Variants in TTC3 observed in about 807,000 individuals in gnomAD.
The protein encoded by TTC3 is tetratricopeptide repeat domain 3.
Under a neutral mutation model 249.6 loss-of-function variants are expected in TTC3, and 180 were observed. That is an observed-to-expected ratio of 0.72 (90% CI 0.64 to 0.82). The LOEUF (loss-of-function observed/expected upper bound fraction) is 0.82. TTC3 is among the 40% of genes least tolerant of loss of function. The pLI, the probability that TTC3 is intolerant of heterozygous loss-of-function variation, is 0.00. For synonymous variants in TTC3, 717 were observed against 805.0 expected (o/e 0.89, Z 1.85); for missense variants, 2,061 against 2,398.4 (o/e 0.86, Z 2.94).
In TTC3 at chr21:37,166,714, A is replaced by G. The variant is rs889985484; in HGVS notation, c.4401+99A>G. The G allele has an allele frequency of 2.8e-6, 4 of 1,446,120 alleles. No individual in the cohort carries two copies. The African/African-American group carries it at 5.7e-5, about 21-fold the overall frequency. 89.6% of individuals were successfully genotyped at this position (1,446,120 alleles called of 1,614,324 possible). On this transcript the variant is annotated intron_variant, in intron 33 of 45. Coordinates refer to ENST00000355666, the Ensembl canonical transcript of TTC3. ...TTGCAAGAATCCTTAAAGTTGATTG[A>G]CTTTATAATGATTACTGAAGCTTTT... is the stretch of plus-strand genomic sequence containing the variant.
At chr21:37,091,340 C>T (rs2073237255) in exon 7 of TTC3, 5 of 1,610,910 alleles carry the variant, frequency 3.1e-6, no homozygotes, top group East Asian at 2.2e-5. Flanking sequence ...AATATGCAGG[C>T]GATGTAACAA....
chr21:37,107,161 C>T (rs1009225310), intron 10 of TTC3, among the ~76,000 whole-genome samples: 23 of 147,460 alleles, frequency 1.6e-4, no homozygotes, highest in Non-Finnish European at 2.2e-4. Flanking sequence ...TCCTTGTAAT[C>T]TCTTTAAGAG....
chr21:37,149,035 T>C (rs1237456496), intron 23 of TTC3, among the ~76,000 whole-genome samples: 1 of 152,178 alleles, frequency 6.6e-6, no homozygotes, highest in Non-Finnish European at 1.5e-5. Flanking sequence ...AAACCAAAAT[T>C]TGATGAGGTA....
intron 32 of TTC3, among the ~76,000 whole-genome samples, chr21:37,164,484 T>C (rs1757973975): frequency 6.6e-6 from 1 of 150,690 alleles, no homozygotes; most frequent in African/African-American, 2.4e-5. Context: ...GATTACAGGC[T>C]TGCACCACCA....
intron 20 of TTC3, among the ~76,000 whole-genome samples, chr21:37,142,329 CAT>C (rs2078558265): frequency 6.6e-6 from 1 of 152,200 alleles, no homozygotes; most frequent in African/African-American, 2.4e-5. Context: ...TTGCAGATGA[CAT>C]GATTGTATAT....
At chr21:37,187,808 G>A (rs1392491406) in intron 38 of TTC3, 1 of 152,166 alleles carries the variant, frequency 6.6e-6, no homozygotes, top group Non-Finnish European at 1.5e-5. Context: ...TGCTTCTAAG[G>A]ACAGGAAAGG....
chr21:37,107,129 A>G (rs2075161321), intron 10 of TTC3, among the ~76,000 whole-genome samples: 2 of 147,200 alleles, frequency 1.4e-5, no homozygotes, highest in South Asian at 4.3e-4. Context: ...ATCTGGTAGT[A>G]TAAGTTATCT....
intron 20 of TTC3, among the ~76,000 whole-genome samples, chr21:37,141,414 C>CCT (rs1041477258): frequency 6.6e-6 from 1 of 150,624 alleles, no homozygotes; most frequent in African/African-American, 2.5e-5. Flanking sequence ...TTGGGGAATC[C>CCT]CCCCCCCAGC....
chr21:37,112,517 A>G (rs1184182804), intron 11 of TTC3, among the ~76,000 whole-genome samples: 1 of 152,236 alleles, frequency 6.6e-6, no homozygotes, highest in Non-Finnish European at 1.5e-5. Flanking sequence ...TGAATAGACC[A>G]ATAACAGGCT....
chr21:37,111,494 A>G (rs1381355582), intron 11 of TTC3, among the ~76,000 whole-genome samples: 3 of 152,180 alleles, frequency 2.0e-5, no homozygotes, highest in Non-Finnish European at 2.9e-5. Context: ...AACAAGAAGA[A>G]CTAACTATCC....
intron 31 of TTC3, among the ~76,000 whole-genome samples, chr21:37,163,048 T>G (rs1488897892): frequency 2.0e-5 from 3 of 152,236 alleles, no homozygotes; most frequent in Non-Finnish European, 2.9e-5. Context: ...CATATGAGTT[T>G]TGCAGAAACA....
chr21:37,156,868 C>T, exon 28 of TTC3: 1 of 1,613,918 alleles, frequency 6.2e-7, no homozygotes, highest in Non-Finnish European at 8.5e-7. Flanking sequence ...AAGTTCCCAG[C>T]ATTGCATAGT....
chr21:37,157,039 G>A, intron 28 of TTC3, 133 bp downstream of exon 28: 1 of 1,363,964 alleles, frequency 7.3e-7, no homozygotes, highest in Non-Finnish European at 1.0e-6. Flanking sequence ...TTTATGTGGG[G>A]AAGTTAGTGA....
chr21:37,123,100 T>C (rs112251966), intron 13 of TTC3, 72 bp downstream of exon 13: 24 of 1,518,888 alleles, frequency 1.6e-5, no homozygotes, highest in South Asian at 1.6e-4. Context: ...GAATCACTTA[T>C]GTTTGACGCT....
At chr21:37,156,369 A>G (rs1601848500) in intron 27 of TTC3, among the ~76,000 whole-genome samples, 1 of 152,190 alleles carries the variant, frequency 6.6e-6, no homozygotes, top group African/African-American at 2.4e-5. Flanking sequence ...ATTTAATGCT[A>G]TACTTTCATC....
chr21:37,155,556 G>A (rs2079976059), intron 27 of TTC3, among the ~76,000 whole-genome samples: 1 of 152,220 alleles, frequency 6.6e-6, no homozygotes, highest in Non-Finnish European at 1.5e-5. Flanking sequence ...TAATCCAGAA[G>A]CAAGCAGTCT....
At chr21:37,123,870 T>C (rs765279236) in intron 13 of TTC3, among the ~76,000 whole-genome samples, 3 of 151,818 alleles carry the variant, frequency 2.0e-5, no homozygotes, top group Non-Finnish European at 4.4e-5. Flanking sequence ...TGCCTCAGCC[T>C]CTTGAGTAGC....
At chr21:37,077,167 A>C (rs1406014388) in intron 1 of TTC3, among the ~76,000 whole-genome samples, 1 of 152,156 alleles carries the variant, frequency 6.6e-6, no homozygotes, top group African/African-American at 2.4e-5. Flanking sequence ...TATACATTTA[A>C]AAGAATGAGA....
At position 37,106,372 on chromosome 21, in the gene TTC3, G is replaced by C. The variant is rs537287585; in HGVS notation, c.846-2020G>C. Among the ~76,000 whole-genome samples the C allele has an allele frequency of 9.9e-5, 15 of 152,202 alleles. No homozygotes were observed. In the South Asian group the frequency reaches 3.1e-3, roughly 32 times the overall value. On this transcript the variant is annotated intron_variant, in intron 10 of 45. Transcript: ENST00000355666. ...ACATTCAGTGGCTTGCCTTTTCACTGTTGATGTTTTCACAAACAAGTTACT... is the reference window on the plus strand; with the variant it reads ...ACATTCAGTGGCTTGCCTTTTCACTCTTGATGTTTTCACAAACAAGTTACT...
Sources: allele counts gnomAD v4.1 joint callset (sites outside exome capture counted in the v4.1 genomes callset), GRCh38; gene constraint gnomAD v4.1.1; transcripts MANE v1.5; gene names NCBI Gene and HGNC (gene_info 2026-07-23, HGNC 2026-07-21).